Variants in MYO5C observed in about 807,000 individuals in gnomAD.
The protein encoded by MYO5C is myosin VC.
Under a neutral mutation model 235.7 loss-of-function variants are expected in MYO5C, and 194 were observed. The observed-to-expected ratio is 0.82, with a 90% CI of 0.73 to 0.93. The LOEUF is 0.93. MYO5C is among the 40% of genes least tolerant of loss of function. The pLI, the probability that MYO5C is intolerant of heterozygous loss-of-function variation, is 0.00. For missense variants in MYO5C, 2,038 were observed against 2,127.2 expected (o/e 0.96, Z 0.82); for synonymous variants, 707 against 754.8 (o/e 0.94, Z 1.04).
At position 52,268,209 on chromosome 15, in the gene MYO5C, A is replaced by G. The variant is rs957145315; in HGVS notation, c.940+1544T>C. 7.9e-5 allele frequency among the ~76,000 whole-genome samples: 12 copies of G among 152,220 alleles called. 1 individual carries two copies. Among genetic ancestry groups the G allele is most frequent in the Admixed American group, 7.2e-4 (11 of 15,276 alleles). On this transcript the variant is annotated intron_variant, in intron 8 of 40. Coordinates refer to ENST00000261839, the MANE Select transcript of MYO5C (RefSeq NM_018728.4). ...ATTCAGATACAGTCAACCAGGCCAC[A>G]AGAATGAAAGCACTTAGTATGAATC...
At chr15:52,277,037 C>T (rs1276101281) in intron 4 of MYO5C, 1 of 462,666 alleles carries the variant, frequency 2.2e-6, no homozygotes, top group Non-Finnish European at 4.5e-6. Flanking sequence ...CATGTAAATG[C>T]TAGAGGAGAC....
rs1268097236 is a variant in MYO5C at position 52,211,904 on chromosome 15, T to C, written c.4142-20A>G. 1.2e-6 allele frequency: 2 copies of C among 1,611,132 alleles called. No homozygotes were observed. Among genetic ancestry groups the C allele is most frequent in the Non-Finnish European group, 8.5e-7 (1 of 1,178,488 alleles). ...TCAAGTCTGAAGCAGAGAGAGCCAA[T>C]GAGGATTACAGCTGACAGGTCAGCT... On this transcript the variant is annotated intron_variant, in intron 34 of 40. Coordinates refer to ENST00000261839, the MANE Select transcript of MYO5C (RefSeq NM_018728.4).
rs746438826 is a variant in MYO5C at position 52,196,322 on chromosome 15, A to G, written c.4982T>C (p.Leu1661Pro). ...AKEIYERCTS[L>P]SAVQIIKILN... The stretch of plus-strand genomic sequence containing the variant: ...AAGCCTGGTCACCTGCACAGCAGAC[A>G]GTGAGGTGCAGCGTTCGTAGATCTC... Residue 1661 changes from leucine to proline, a missense_variant, in exon 39 of 41, where the codon CTG becomes CCG. Coordinates refer to ENST00000261839, the MANE Select transcript of MYO5C (RefSeq NM_018728.4). 5 of 1,610,550 alleles carry G rather than the reference A, an allele frequency of 3.1e-6. No homozygotes were observed. The highest frequency in any genetic ancestry group is 4.2e-6 in the Non-Finnish European group (5 of 1,178,780).
chr15:52,288,870 G>A lies in MYO5C; in HGVS notation c.28-5978C>T, dbSNP rs552227536. Among the ~76,000 whole-genome samples, 8 of 152,186 alleles carry A rather than the reference G, an allele frequency of 5.3e-5. No individual in the cohort carries two copies. The South Asian group carries it at 8.3e-4, about 16-fold the overall frequency. ...AGGCGCCAAGCTGAGGCAGAGGCTC[G>A]GGACCACTGAACCTTATGAGCTCAA... On this transcript the variant is annotated intron_variant, in intron 1 of 40. Coordinates refer to ENST00000261839, the MANE Select transcript of MYO5C (RefSeq NM_018728.4).
Position 52,235,602 on chromosome 15 carries a change from C to T in MYO5C, c.2962+68G>A, listed in dbSNP as rs2036062391. ...AGAGACCCCTGGTTCTAAAACTGGTCAACCCCAGTATTGTTTACTGAGTGA... is the reference window on the plus strand; with the variant it reads ...AGAGACCCCTGGTTCTAAAACTGGTTAACCCCAGTATTGTTTACTGAGTGA... On this transcript the variant is annotated intron_variant, in intron 23 of 40. Transcript: ENST00000261839. The T allele has an allele frequency of 5.5e-6, 7 of 1,283,488 alleles. No homozygotes were observed. In the Middle Eastern group the frequency reaches 1.3e-3, roughly 242 times the overall value. The allele number at this position is 1,283,488 out of a possible 1,614,324, so 79.5% of individuals were successfully genotyped here.
intron 11 of MYO5C, 101 bp downstream of exon 11, chr15:52,256,537 AG>A: frequency 2.4e-6 from 2 of 834,778 alleles, no homozygotes; most frequent in Non-Finnish European, 3.8e-6. Flanking sequence ...TGCAACCTCA[AG>A]AAAGAAGAAT....
At chr15:52,225,364 C>T (rs1450489099) in intron 26 of MYO5C, 75 bp downstream of exon 26, 12 of 1,278,144 alleles carry the variant, frequency 9.4e-6, no homozygotes, top group East Asian at 2.3e-5. Context: ...CCAAAGGACA[C>T]GTTTCCTTAG....
At chr15:52,202,301 C>T (rs962784321) in intron 38 of MYO5C, among the ~76,000 whole-genome samples, 6 of 152,196 alleles carry the variant, frequency 3.9e-5, no homozygotes, top group African/African-American at 9.6e-5. Flanking sequence ...TGTTTGAACC[C>T]GGGAGGCGAA....
At chr15:52,199,942 C>A (rs1032127649) in intron 38 of MYO5C, among the ~76,000 whole-genome samples, 1 of 152,112 alleles carries the variant, frequency 6.6e-6, no homozygotes, top group African/African-American at 2.4e-5. Flanking sequence ...ATAGGAATGC[C>A]ACAGAAAGGG....
intron 1 of MYO5C, among the ~76,000 whole-genome samples, chr15:52,288,130 CT>C (rs1252287858): frequency 6.6e-6 from 1 of 152,188 alleles, no homozygotes; most frequent in East Asian, 1.9e-4. Context: ...CCAATCAATC[CT>C]TTTGTTTAAC....
At chr15:52,196,590 C>T in intron 38 of MYO5C, 107 bp from the exon 39 acceptor site, 1 of 1,035,500 alleles carries the variant, frequency 9.7e-7, no homozygotes, top group Non-Finnish European at 1.4e-6. Context: ...AAGACCACAG[C>T]TCAGCAGTTA....
In MYO5C at chr15:52,264,312, T is replaced by A. The variant is rs1452624724; in HGVS notation, c.941-16A>T. ...TCCTTGAAACCTAAAAACAAACATT[T>A]TCCCAGATTAGAATACTGCATCTCT... On this transcript the variant is annotated splice_polypyrimidine_tract_variant and intron_variant, in intron 8 of 40. Coordinates refer to ENST00000261839, the MANE Select transcript of MYO5C (RefSeq NM_018728.4). The A allele has an allele frequency of 6.3e-7, 1 of 1,592,102 alleles. No individual in the cohort carries two copies. The highest frequency in any genetic ancestry group is 8.6e-7 in the Non-Finnish European group (1 of 1,161,024).
intron 4 of MYO5C, chr15:52,278,063 C>T (rs999002832): frequency 1.2e-5 from 5 of 426,970 alleles, no homozygotes; most frequent in Middle Eastern, 3.7e-4. Flanking sequence ...GTCAACTTCA[C>T]AGGAGTGCTG....
intron 5 of MYO5C, among the ~76,000 whole-genome samples, chr15:52,274,152 G>A (rs997108599): frequency 1.6e-4 from 25 of 152,134 alleles, no homozygotes; most frequent in Admixed American, 6.6e-5. Context: ...TGTGCCATGC[G>A]CTCGGTAAAC....
At position 52,219,744 on chromosome 15, in the gene MYO5C, C is replaced by A; in HGVS notation, c.3785+15G>T. On this transcript the variant is annotated intron_variant, in intron 31 of 40. Transcript: ENST00000261839. The stretch of plus-strand genomic sequence containing the variant: ...CACGAGCATGAACTTGAGGTACACA[C>A]ATATTTACACTTACTTTCTTTGTGT... The A allele has an allele frequency of 6.3e-7, 1 of 1,595,412 alleles. No homozygotes were observed. The highest frequency in any genetic ancestry group is 8.6e-7 in the Non-Finnish European group (1 of 1,164,138).
chr15:52,245,263 T>G, intron 18 of MYO5C, 91 bp downstream of exon 18: 2 of 903,810 alleles, frequency 2.2e-6, no homozygotes, highest in Non-Finnish European at 3.7e-6. Context: ...ATGATTACAG[T>G]CCTGAGCATT....
At chr15:52,212,738 C>A (rs2035472430) in intron 34 of MYO5C, among the ~76,000 whole-genome samples, 1 of 152,212 alleles carries the variant, frequency 6.6e-6, no homozygotes, top group African/African-American at 2.4e-5. Flanking sequence ...ATCACATTGC[C>A]CGCAGAGAAA....
intron 38 of MYO5C, among the ~76,000 whole-genome samples, chr15:52,203,217 C>G (rs1226723067): frequency 6.6e-6 from 1 of 152,002 alleles, no homozygotes; most frequent in African/African-American, 2.4e-5. Flanking sequence ...AGCCACTGTG[C>G]CTGGCCCATG....
chr15:52,228,318 A>AT (rs2035874915), intron 25 of MYO5C, among the ~76,000 whole-genome samples: 1 of 152,006 alleles, frequency 6.6e-6, no homozygotes, highest in Non-Finnish European at 1.5e-5. Context: ...CAATTTTTGT[A>AT]TTTTTAGTAG....
Sources: allele counts gnomAD v4.1 joint callset (sites outside exome capture counted in the v4.1 genomes callset), GRCh38; gene constraint gnomAD v4.1.1; transcripts MANE v1.5; gene names NCBI Gene and HGNC (gene_info 2026-07-23, HGNC 2026-07-21).